Variants in UNC5D observed in about 807,000 individuals in gnomAD.
UNC5D encodes unc-5 netrin receptor D, also known as netrin receptor UNC5D.
In UNC5D, 39 loss-of-function variants were observed where a neutral mutation model predicts 105.4. The observed-to-expected ratio is 0.37, with a 90% CI of 0.29 to 0.48. UNC5D has a LOEUF of 0.48. UNC5D is among the 20% of genes least tolerant of loss of function. UNC5D has a pLI of 0.98. For synonymous variants in UNC5D, 452 were observed against 450.4 expected (o/e 1.00, Z -0.04); for missense variants, 991 against 1,202.4 (o/e 0.82, Z 2.60).
At chr8:35,671,079 T>C (rs1380434181) in intron 4 of UNC5D, among the ~76,000 whole-genome samples, 1 of 152,022 alleles carries the variant, frequency 6.6e-6, no homozygotes, top group Non-Finnish European at 1.5e-5. Context: ...CCTTTTCTTC[T>C]CCTCCCCTTT....
intron 1 of UNC5D, among the ~76,000 whole-genome samples, chr8:35,520,533 A>C (rs1456915797): frequency 6.6e-6 from 1 of 152,150 alleles, no homozygotes; most frequent in African/African-American, 2.4e-5. Flanking sequence ...TGAATTGTAC[A>C]TTTTAAATCG....
chr8:35,429,481 A>G (rs1246978800), intron 1 of UNC5D, among the ~76,000 whole-genome samples: 2 of 152,126 alleles, frequency 1.3e-5, no homozygotes, highest in Non-Finnish European at 2.9e-5. Flanking sequence ...AAGATTTTAG[A>G]TACTGATGTC....
intron 1 of UNC5D, among the ~76,000 whole-genome samples, chr8:35,392,421 G>A (rs1008645043): frequency 6.6e-6 from 1 of 152,160 alleles, no homozygotes; most frequent in East Asian, 1.9e-4. Context: ...ATTGTATTGT[G>A]TTGTCCAGGC....
intron 1 of UNC5D, among the ~76,000 whole-genome samples, chr8:35,435,043 G>T (rs1806917533): frequency 6.6e-6 from 1 of 152,024 alleles, no homozygotes; most frequent in South Asian, 2.1e-4. Flanking sequence ...AAAAGTTAAA[G>T]ATCTTAAACT....
At chr8:35,789,165 AT>A (rs1802901232) in intron 16 of UNC5D, among the ~76,000 whole-genome samples, 2 of 94,524 alleles carry the variant, frequency 2.1e-5, no homozygotes, top group South Asian at 7.0e-4. Context: ...ATATATATAT[AT>A]ATATATATAT....
chr8:35,542,878 C>T (rs1815373576), intron 1 of UNC5D, among the ~76,000 whole-genome samples: 1 of 152,028 alleles, frequency 6.6e-6, no homozygotes, highest in East Asian at 1.9e-4. Flanking sequence ...TAATTCTTTC[C>T]TTTTTATGCT....
chr8:35,641,003 T>C (rs1324608759), intron 4 of UNC5D, among the ~76,000 whole-genome samples: 1 of 152,124 alleles, frequency 6.6e-6, no homozygotes, highest in Non-Finnish European at 1.5e-5. Flanking sequence ...TCTTGGTTTC[T>C]TTCTATTTAT....
At chr8:35,665,113 A>T (rs1563645583) in intron 4 of UNC5D, among the ~76,000 whole-genome samples, 3 of 152,116 alleles carry the variant, frequency 2.0e-5, no homozygotes, top group Admixed American at 2.0e-4. Context: ...GGGATTACAG[A>T]TGTGAGCCAC....
intron 1 of UNC5D, among the ~76,000 whole-genome samples, chr8:35,270,668 C>G (rs1370802788): frequency 6.6e-6 from 1 of 152,104 alleles, no homozygotes; most frequent in Non-Finnish European, 1.5e-5. Flanking sequence ...AATCTTGTGT[C>G]CTGTCAGATC....
rs35774459 is a variant in UNC5D, at chr8:35,335,756, A to ATTTTTT, written c.103+99889_103+99894dup. Among the ~76,000 whole-genome samples, 75 of 90,442 alleles carry ATTTTTT rather than the reference A, an allele frequency of 8.3e-4. 6 individuals carry two copies. The highest frequency in any genetic ancestry group is 2.7e-3 in the African/African-American group (61 of 22,660). 59.3% of individuals were successfully genotyped at this position (90,442 alleles called of 152,430 possible). On this transcript the variant is annotated intron_variant, in intron 1 of 16. Transcript: ENST00000404895. ...GGATAGAATGAAATGAGAGATTGCA[A>ATTTTTT]TTTTTTTTTTTTTTTTTTTTTTTTT...
intron 7 of UNC5D, among the ~76,000 whole-genome samples, chr8:35,701,609 T>G (rs1183601568): frequency 6.6e-6 from 1 of 152,200 alleles, no homozygotes; most frequent in East Asian, 1.9e-4. Context: ...AGGTAGATTG[T>G]TCTCTTTCTC....
chr8:35,240,547 G>A (rs911040565), intron 1 of UNC5D, among the ~76,000 whole-genome samples: 2 of 152,108 alleles, frequency 1.3e-5, no homozygotes, highest in African/African-American at 2.4e-5. Flanking sequence ...TTTGAGGTAA[G>A]TACTGTGATT....
In UNC5D at chr8:35,638,801, TTAAA is replaced by T. The variant is rs1822536319; in HGVS notation, c.570+43145_570+43148del. The stretch of plus-strand genomic sequence containing the variant: ...GGTGATAAAGCAATACCCTGTCTCT[TTAAA>T]AAAAAAGTGACATAAATTATCCTGA... On this transcript the variant is annotated intron_variant, in intron 4 of 16. Coordinates refer to ENST00000404895, the MANE Select transcript of UNC5D (RefSeq NM_080872.4). Among the ~76,000 whole-genome samples the T allele has an allele frequency of 2.0e-5, 3 of 151,808 alleles. No individual in the cohort carries two copies. In the South Asian group the frequency reaches 6.2e-4, roughly 32 times the overall value.
intron 1 of UNC5D, among the ~76,000 whole-genome samples, chr8:35,415,627 T>G (rs1805478497): frequency 6.6e-6 from 1 of 152,158 alleles, no homozygotes; most frequent in African/African-American, 2.4e-5. Context: ...ACCCTGTGAC[T>G]TGCTAATGAG....
rs1220820144 is a variant in UNC5D, at chr8:35,667,443, T to G, written c.571-16104T>G. Among the ~76,000 whole-genome samples, 4 of 152,272 alleles carry G rather than the reference T, an allele frequency of 2.6e-5. No homozygotes were observed. The East Asian group carries it at 7.7e-4, about 29-fold the overall frequency. ...GAGGATCTCAATACAGGAAACTGAC[T>G]TCTTTGTCCTGGAACTAAAAAGTTT... On this transcript the variant is annotated intron_variant, in intron 4 of 16. Transcript: ENST00000404895.
intron 1 of UNC5D, among the ~76,000 whole-genome samples, chr8:35,341,165 C>G (rs1457278886): frequency 6.6e-6 from 1 of 152,054 alleles, no homozygotes; most frequent in Non-Finnish European, 1.5e-5. Flanking sequence ...TCTCTGAACT[C>G]TTCTATTCAT....
chr8:35,750,888 T>G, intron 13 of UNC5D, 79 bp downstream of exon 13: 1 of 1,551,008 alleles, frequency 6.4e-7, no homozygotes, highest in Non-Finnish European at 8.9e-7. Context: ...AATTGAAAAT[T>G]TTATTACTGA....
chr8:35,371,376 G>A (rs1221067256), intron 1 of UNC5D, among the ~76,000 whole-genome samples: 3 of 152,074 alleles, frequency 2.0e-5, no homozygotes, highest in African/African-American at 4.8e-5. Flanking sequence ...AGGCCAAGAC[G>A]ACTTATAACA....
intron 1 of UNC5D, among the ~76,000 whole-genome samples, chr8:35,379,116 T>C (rs552952602): frequency 3.9e-5 from 6 of 152,182 alleles, no homozygotes; most frequent in Non-Finnish European, 7.3e-5. Context: ...GAAATAGGAC[T>C]GCTAACATTA....
Sources: gnomAD v4.1 joint callset for allele counts (sites outside exome capture counted in the v4.1 genomes callset) on GRCh38, gnomAD v4.1.1 for gene constraint, MANE v1.5 for transcripts, NCBI Gene and HGNC (gene_info 2026-07-23, HGNC 2026-07-21) for gene names.